The following KCP variants were observed in gnomAD, a reference collection of about 807,000 sequenced individuals.
KCP encodes kielin cysteine rich BMP regulator, also known as kielin/chordin-like protein.
In KCP, 194 loss-of-function variants were observed where a neutral mutation model predicts 212.7. That is an observed-to-expected ratio of 0.91 (90% CI 0.81 to 1.03). KCP has a LOEUF of 1.03. Among genes scored for constraint, KCP ranks in the 50% least tolerant of loss-of-function variants. The pLI, the probability that KCP is intolerant of heterozygous loss-of-function variation, is 0.00. For missense variants in KCP, 2,080 were observed against 2,162.5 expected, an observed-to-expected ratio of 0.96 and a Z score of 0.76; for synonymous variants, 833 against 865.3, an observed-to-expected ratio of 0.96 and a Z score of 0.65.
intron 20 of KCP, 24 bp from the exon 21 acceptor site, chr7:128,890,537 G>T (rs1281883531): frequency 3.9e-6 from 6 of 1,535,814 alleles, no homozygotes; most frequent in African/African-American, 1.4e-5. Flanking sequence ...CAGGGGCTGG[G>T]GGGCCGTGGG....
chr7:128,879,108 C>T (rs7780972), intron 37 of KCP: 49,442 of 337,356 alleles, frequency 0.15, 6,511 homozygotes, highest in African/African-American at 0.42. Flanking sequence ...CCTTATTCTA[C>T]GAATTTACGA....
rs752192156 is a variant in KCP, at chr7:128,907,438, T to A, written c.235A>T (p.Thr79Ser). The A allele has an allele frequency of 6.7e-6, 10 of 1,496,282 alleles. No individual in the cohort carries two copies. The South Asian group carries it at 1.0e-4, about 15-fold the overall frequency. The allele number at this position is 1,496,282 out of a possible 1,614,324, so 92.7% of individuals were successfully genotyped here. The part of the protein sequence containing the change: ...ELREQNKDLQ[T>S]RVRQLESCEC... ...CAGGACTCCAGCTGCCTCACCCTCG[T>A]CTGCAGGTCCTTATTCTGGAGGAAG... is the stretch of plus-strand genomic sequence containing the variant. The change falls in exon 3 of 40, where the codon ACG becomes TCG. Residue 79 changes from threonine to serine, a missense_variant. By Grantham distance (58) the Thr-to-Ser change is moderately conservative. Coordinates refer to ENST00000610776, the MANE Select transcript of KCP (RefSeq NM_001366122.1).
chr7:128,904,304 C>A, intron 5 of KCP, 166 bp from the exon 6 acceptor site: 1 of 1,552,512 alleles, frequency 6.4e-7, no homozygotes, highest in South Asian at 1.2e-5. Flanking sequence ...GATGGGGCAG[C>A]ACTCCCCAGG....
rs920691289 is a variant in KCP, at chr7:128,891,761, G to T, written c.1680C>A (p.Asp560Glu). 7.6e-6 allele frequency: 11 copies of T among 1,450,934 alleles called. No homozygotes were observed. The highest frequency in any genetic ancestry group is 1.0e-5 in the Non-Finnish European group (11 of 1,100,046). The allele number at this position is 1,450,934 out of a possible 1,614,324, so 89.9% of individuals were successfully genotyped here. The change falls in exon 17 of 40, where the codon GAC becomes GAA. Residue 560 changes from aspartate to glutamate, a missense_variant. Transcript: ENST00000610776. ...VDGESFSHPR[D>E]PCQECRCQEG... is the part of the protein sequence containing the mutation. Reference sequence around the variant, plus strand: ...CCTGGCATCGGCACTCCTGGCAGGGGTCTCGGGGGTGGGAGAAGCTCTCGC... The same window carrying T: ...CCTGGCATCGGCACTCCTGGCAGGGTTCTCGGGGGTGGGAGAAGCTCTCGC...
intron 22 of KCP, among the ~76,000 whole-genome samples, chr7:128,887,520 G>A (rs1318707456): frequency 7.6e-6 from 1 of 131,018 alleles, no homozygotes; most frequent in African/African-American, 3.0e-5. Flanking sequence ...AGGTGGGAGT[G>A]CAACAGAAAA....
intron 22 of KCP, among the ~76,000 whole-genome samples, chr7:128,887,682 CAT>C (rs781008590): frequency 2.0e-5 from 3 of 149,700 alleles, no homozygotes; most frequent in East Asian, 4.0e-4. Context: ...CACACACACA[CAT>C]ACACACATAT....
chr7:128,891,825 C>T lies in KCP; in HGVS notation c.1622-6G>A. The T allele has an allele frequency of 1.4e-6, 2 of 1,442,112 alleles. No homozygotes were observed. The highest frequency in any genetic ancestry group is 1.8e-4 in the Middle Eastern group (1 of 5,482). 89.3% of individuals were successfully genotyped at this position (1,442,112 alleles called of 1,614,324 possible). On this transcript the variant is annotated splice_region_variant and splice_polypyrimidine_tract_variant and intron_variant, in intron 16 of 39. Transcript: ENST00000610776. ...CTCTTCCTCCAGGATGCAGTCTGGG[C>T]AGTGGATGGTGGGGGCAGGTATGAG...
intron 7 of KCP, chr7:128,903,193 A>G (rs2055826643): frequency 2.8e-6 from 1 of 354,632 alleles, no homozygotes; most frequent in Non-Finnish European, 5.1e-6. Flanking sequence ...CCTGTGCTTG[A>G]TTTCTCCCCT....
chr7:128,907,027 G>T, intron 4 of KCP, 74 bp downstream of exon 4: 1 of 1,395,090 alleles, frequency 7.2e-7, no homozygotes, highest in East Asian at 2.5e-5. Flanking sequence ...CATCTTGAGT[G>T]CCACGCTGCA....
In KCP at chr7:128,885,079, G is replaced by A. The variant is rs763988274; in HGVS notation, c.3040+18C>T. On this transcript the variant is annotated intron_variant, in intron 27 of 39. Coordinates refer to ENST00000610776, the MANE Select transcript of KCP (RefSeq NM_001366122.1). The stretch of plus-strand genomic sequence containing the variant: ...GCTCCCTCCTCGCCTTTCCCCTCCC[G>A]CCCCAGGCTTCCAGTACCAGAGCAT... 9 of 1,550,400 alleles carry A rather than the reference G, an allele frequency of 5.8e-6. No homozygotes were observed. In the Admixed American group the frequency reaches 5.9e-5, roughly 10 times the overall value.
intron 5 of KCP, 43 bp downstream of exon 5, chr7:128,906,236 G>A (rs1184743773): frequency 1.6e-5 from 24 of 1,475,906 alleles, no homozygotes; most frequent in Non-Finnish European, 2.1e-5. Context: ...GTGGGCCAGA[G>A]AAGGCAAGCA....
At chr7:128,897,065 A>G (rs529889704) in intron 8 of KCP, among the ~76,000 whole-genome samples, 1 of 152,226 alleles carries the variant, frequency 6.6e-6, no homozygotes, top group East Asian at 1.9e-4. Context: ...ATGAATAGTA[A>G]TAATCACTGT....
rs1161739274 is a variant in KCP at position 128,890,378 on chromosome 7, A to AAGGGGCACAGTGC, written c.2287_2299dup (p.Phe767CysfsTer14). 6.4e-6 allele frequency: 10 copies of AAGGGGCACAGTGC among 1,551,182 alleles called. No homozygotes were observed. The highest frequency in any genetic ancestry group is 8.7e-6 in the Non-Finnish European group (10 of 1,146,986). On this transcript the variant is annotated frameshift_variant, in exon 21 of 40. Coordinates refer to ENST00000610776, the MANE Select transcript of KCP (RefSeq NM_001366122.1). LOFTEE classifies it high-confidence loss of function. ...AGGGCAGCAGTCGCCCCTGGCAGGG[A>AAGGGGCACAGTGC]AGGGGCACAGTGCAGGGGCACATGC...
chr7:128,898,196 T>C lies in KCP; in HGVS notation c.832-3903A>G, dbSNP rs183573968. On this transcript the variant is annotated intron_variant, in intron 8 of 39. Coordinates refer to ENST00000610776, the MANE Select transcript of KCP (RefSeq NM_001366122.1). ...TCAGCTTCCTGAGTAGGTGGAAGTA[T>C]AGGCATGCACCAGCATGCCCAGCTA... Among the ~76,000 whole-genome samples the C allele has an allele frequency of 6.7e-4, 102 of 152,218 alleles. 1 individual carries two copies. Among genetic ancestry groups the C allele is most frequent in the Middle Eastern group, 6.8e-3 (2 of 294 alleles).
In KCP at chr7:128,893,847, T is replaced by G; in HGVS notation, c.1058A>C (p.His353Pro). The G allele has an allele frequency of 6.4e-7, 1 of 1,551,126 alleles. No individual in the cohort carries two copies. The highest frequency in any genetic ancestry group is 8.7e-7 in the Non-Finnish European group (1 of 1,146,958). Residue 353 changes from histidine to proline, a missense_variant, in exon 11 of 40, where the codon CAC (histidine) becomes CCC (proline). His to Pro is a moderately conservative substitution (Grantham distance 77, BLOSUM62 -2). Coordinates refer to ENST00000610776, the MANE Select transcript of KCP (RefSeq NM_001366122.1). ...GCACTGCCCAGGGATCTTGCCTGGG[T>G]GTCTGCAGGGCACTGGCGGGCAGGG... ...PLPCPPVPCR[H>P]PGKIPGQCCP...
chr7:128,892,750 C>G lies in KCP; in HGVS notation c.1465G>C (p.Val489Leu). 6.4e-7 allele frequency: 1 copy of G among 1,551,806 alleles called. No individual in the cohort carries two copies. The highest frequency in any genetic ancestry group is 8.7e-7 in the Non-Finnish European group (1 of 1,146,980). The change falls in exon 15 of 40, where the codon GTG becomes CTG. Residue 489 changes from valine to leucine, a missense_variant. Coordinates refer to ENST00000610776, the MANE Select transcript of KCP (RefSeq NM_001366122.1). ...GTGAAGTTCTGCCCATTGGCATACA[C>G]TTGGCTGTGGTAGGTGCAGCTGTCA... is the stretch of plus-strand genomic sequence containing the variant. ...SCDSCTYHSQ[V>L]YANGQNFTDA...
intron 7 of KCP, chr7:128,903,423 C>T (rs949583130): frequency 2.3e-6 from 1 of 437,758 alleles, no homozygotes; most frequent in Non-Finnish European, 4.1e-6. Flanking sequence ...CTCAGTGTCA[C>T]ACTCTAGGGG....
chr7:128,901,638 C>T (rs58402792), intron 8 of KCP, among the ~76,000 whole-genome samples: 14,590 of 151,568 alleles, frequency 0.096, 2,175 homozygotes, highest in African/African-American at 0.32. Context: ...AAAAAAAAAA[C>T]ACATAAACTT....
Position 128,880,998 on chromosome 7 carries a change from T to C in KCP, c.3512A>G (p.His1171Arg). Reference protein sequence around the residue: ...PSNACIACTCHRGHVECHLEE... With the variant: ...PSNACIACTCRRGHVECHLEE... ...CCTCCCAGGCCCACCCCAGCTCACA[T>C]GGCAGGTGCAGGCGATGCACGCATT... The change falls in exon 32 of 40, where the codon CAT becomes CGT. Residue 1171 changes from histidine to arginine, a missense_variant and splice_region_variant. By Grantham distance (29) the His-to-Arg change is conservative (BLOSUM62 0). Transcript: ENST00000610776. The C allele has an allele frequency of 1.5e-5, 6 of 398,912 alleles. No homozygotes were observed. Among genetic ancestry groups the C allele is most frequent in the Non-Finnish European group, 1.8e-5 (4 of 226,286 alleles). The allele number at this position is 398,912 out of a possible 1,614,324, so 24.7% of individuals were successfully genotyped here.
Sources: gnomAD v4.1 joint callset for allele counts (sites outside exome capture counted in the v4.1 genomes callset) on GRCh38, gnomAD v4.1.1 for gene constraint, MANE v1.5 for transcripts, NCBI Gene and HGNC (gene_info 2026-07-23, HGNC 2026-07-21) for gene names.